Variants in DENND2B observed in about 807,000 individuals in gnomAD.
DENND2B encodes the protein DENN domain-containing protein 2B.
Under a neutral mutation model 116.0 loss-of-function variants are expected in DENND2B, and 32 were observed. That is an observed-to-expected ratio of 0.28 (90% CI 0.21 to 0.37). The LOEUF (loss-of-function observed/expected upper bound fraction) is 0.37, where lower values mean the gene tolerates loss of function less well. DENND2B is among the 10% of genes least tolerant of loss of function. The probability of loss-of-function intolerance (pLI) is 1.00; values close to 1 mark genes in which losing one functional copy is unlikely to be tolerated. For missense variants in DENND2B, 1,276 were observed against 1,477.7 expected, an observed-to-expected ratio of 0.86 and a Z score of 2.24; for synonymous variants, 588 against 583.9, an observed-to-expected ratio of 1.01 and a Z score of -0.10.
At chr11:8,729,302 C>T (rs913922843) in intron 3 of DENND2B, among the ~76,000 whole-genome samples, 1 of 152,208 alleles carries the variant, frequency 6.6e-6, no homozygotes, top group African/African-American at 2.4e-5. Context: ...ACCGGGGAGA[C>T]AGCCCTTGGT....
At chr11:8,728,573 A>G (rs1224010041) in intron 3 of DENND2B, among the ~76,000 whole-genome samples, 2 of 115,784 alleles carry the variant, frequency 1.7e-5, no homozygotes, top group Non-Finnish European at 1.8e-5. Context: ...TATGTGTAAA[A>G]CCTTCAGGCT....
At chr11:8,875,528 C>G (rs1220376498), upstream of DENND2B, among the ~76,000 whole-genome samples, 4 of 151,450 alleles carry the variant, frequency 2.6e-5, no homozygotes, top group East Asian at 7.9e-4. Flanking sequence ...ACCTTAGCCT[C>G]CCCAGTGGCT....
chr11:8,801,175 G>A (rs557186791), intron 1 of DENND2B, among the ~76,000 whole-genome samples: 14 of 151,982 alleles, frequency 9.2e-5, no homozygotes, highest in African/African-American at 2.9e-4. Context: ...AGAGGGGCCC[G>A]CTCAGCCTAG....
chr11:8,761,876 A>G (rs1364571688), intron 1 of DENND2B, among the ~76,000 whole-genome samples: 2 of 152,210 alleles, frequency 1.3e-5, no homozygotes, highest in African/African-American at 4.8e-5. Flanking sequence ...CTCCACCTCT[A>G]TAATGAGAAC....
At chr11:8,864,609 C>G (rs2063516148) in intron 2 of DENND2B, among the ~76,000 whole-genome samples, 1 of 152,160 alleles carries the variant, frequency 6.6e-6, no homozygotes, top group South Asian at 2.1e-4. Flanking sequence ...ATTGATTCAT[C>G]AAACCCCTAA....
rs751277719 is a variant in DENND2B, at chr11:8,729,969, G to A, written c.1321C>T (p.His441Tyr). 1 of 1,614,120 alleles carries A rather than the reference G, an allele frequency of 6.2e-7. No homozygotes were observed. The highest frequency in any genetic ancestry group is 8.5e-7 in the Non-Finnish European group (1 of 1,179,998). ...CATTACCTGCTCTGGGACTTGCGGT[G>A]ACCACGCATGTCCTTCTTGGGTCTC... ...TRRPKKDMRG[H>Y]RKSQSRKSFE... is the part of the protein sequence containing the mutation. The change falls in exon 3 of 20, where the codon CAC becomes TAC. Residue 441 changes from histidine to tyrosine, a missense_variant. This residue lies in a region of DENND2B where 856 missense variants were observed against 846.6 expected (regional missense o/e 1.01). Coordinates refer to ENST00000313726, the MANE Select transcript of DENND2B (RefSeq NM_213618.2).
At chr11:8,844,169 G>A (rs116992522) in intron 3 of DENND2B, among the ~76,000 whole-genome samples, 3,060 of 152,246 alleles carry the variant, frequency 0.02, 37 homozygotes, top group Middle Eastern at 0.034. Context: ...GGAGGCTGAG[G>A]TGGGAGAATG....
chr11:8,815,408 C>T (rs1048648373), upstream of DENND2B, among the ~76,000 whole-genome samples: 3 of 152,120 alleles, frequency 2.0e-5, no homozygotes, highest in Admixed American at 6.5e-5. Context: ...CCTACGCTCC[C>T]ACCCAAATCT....
At chr11:8,788,673 T>G (rs1175655779) in intron 1 of DENND2B, among the ~76,000 whole-genome samples, 1 of 152,202 alleles carries the variant, frequency 6.6e-6, no homozygotes, top group African/African-American at 2.4e-5. Context: ...CTCAAAACTC[T>G]TAGCTCACAA....
chr11:8,707,688 G>T lies in DENND2B; in HGVS notation c.2430+89C>A. The T allele has an allele frequency of 1.6e-6, 2 of 1,281,526 alleles. No homozygotes were observed. The highest frequency in any genetic ancestry group is 2.2e-6 in the Non-Finnish European group (2 of 913,718). The allele number at this position is 1,281,526 out of a possible 1,614,324, so 79.4% of individuals were successfully genotyped here. Reference sequence around the variant, plus strand: ...TGTCTCCCGCTCGCTCACAGTCACAGGTGGTTTTCTCATCTAAGCTGGCTG... The same window carrying T: ...TGTCTCCCGCTCGCTCACAGTCACATGTGGTTTTCTCATCTAAGCTGGCTG... On this transcript the variant is annotated intron_variant, in intron 12 of 19. Transcript: ENST00000313726. The surrounding 1 kb of genome is among the most constrained non-coding windows in gnomAD (Gnocchi z 4.8).
chr11:8,693,796 C>G lies in DENND2B; in HGVS notation c.*300G>C, dbSNP rs759485757. The G allele has an allele frequency of 2.4e-5, 8 of 334,708 alleles. No homozygotes were observed. Among genetic ancestry groups the G allele is most frequent in the Admixed American group, 9.3e-5 (2 of 21,508 alleles). 20.7% of individuals were successfully genotyped at this position (334,708 alleles called of 1,614,324 possible). A position where few individuals can be genotyped will look rare whatever the true frequency, so the allele number is the denominator to read the frequency against. On this transcript the variant is annotated 3_prime_UTR_variant, in exon 20 of 20. Coordinates refer to ENST00000313726, the MANE Select transcript of DENND2B (RefSeq NM_213618.2). ...AGTCAGCTGCACAAAACTGGCCAGT[C>G]ACGAGCACCCAGCGAAACTTCATCC...
chr11:8,798,177 G>C (rs922486291), intron 1 of DENND2B, among the ~76,000 whole-genome samples: 4 of 152,070 alleles, frequency 2.6e-5, no homozygotes, highest in Non-Finnish European at 5.9e-5. Flanking sequence ...CTCACTACAC[G>C]TCAAGCTCCA....
intron 6 of DENND2B, among the ~76,000 whole-genome samples, chr11:8,715,166 A>G (rs146085899): frequency 1.4e-3 from 207 of 152,288 alleles, no homozygotes; most frequent in African/African-American, 3.7e-3. Flanking sequence ...TAAAAATACC[A>G]TCTGGCTAAA....
chr11:8,786,546 C>A lies in DENND2B; in HGVS notation c.-26+23971G>T, dbSNP rs373042417. Among the ~76,000 whole-genome samples the A allele has an allele frequency of 1.9e-4, 29 of 152,310 alleles. No homozygotes were observed. In the South Asian group the frequency reaches 6.0e-3, roughly 32 times the overall value. On this transcript the variant is annotated intron_variant, in intron 1 of 19. Coordinates refer to ENST00000313726, the MANE Select transcript of DENND2B (RefSeq NM_213618.2). ...ATTAGGAAGGCCAGGCATGGTGGCT[C>A]ATGCCTGTAATCCCAGCACTTTGGG...
intron 1 of DENND2B, among the ~76,000 whole-genome samples, chr11:8,897,697 C>T (rs1001504159): frequency 2.0e-5 from 3 of 152,146 alleles, no homozygotes; most frequent in Admixed American, 1.3e-4. Flanking sequence ...CCAGGAGAGA[C>T]CACAGTGGGC....
At chr11:8,886,973 C>T (rs1172473889) in intron 1 of DENND2B, among the ~76,000 whole-genome samples, 1 of 152,116 alleles carries the variant, frequency 6.6e-6, no homozygotes, top group African/African-American at 2.4e-5. Flanking sequence ...GGACTACAGG[C>T]ATGTGCCACC....
upstream of DENND2B, among the ~76,000 whole-genome samples, chr11:8,874,990 T>C (rs1419611782): frequency 6.6e-6 from 1 of 152,018 alleles, no homozygotes; most frequent in Non-Finnish European, 1.5e-5. Context: ...CAGTTTTCTC[T>C]AAAGCAGACA....
intron 4 of DENND2B, 33 bp downstream of exon 4, chr11:8,726,040 G>A: frequency 6.2e-7 from 1 of 1,613,302 alleles, no homozygotes; most frequent in Non-Finnish European, 8.5e-7. Context: ...AGCCCCCTGA[G>A]ATGACCCAGG....
rs140095881 is a variant in DENND2B at position 8,717,672 on chromosome 11, T to C, written c.1629+69A>G. On this transcript the variant is annotated intron_variant, in intron 5 of 19. Coordinates refer to ENST00000313726, the MANE Select transcript of DENND2B (RefSeq NM_213618.2). ...AGCCTGAGTGGAAGCTGGGCCCAAGTCTTGGAAGAGCAGGCCCCCACTGTG... is the reference window on the plus strand; with the variant it reads ...AGCCTGAGTGGAAGCTGGGCCCAAGCCTTGGAAGAGCAGGCCCCCACTGTG... The C allele has an allele frequency of 7.5e-4, 1,105 of 1,467,194 alleles. 9 individuals carry two copies. The African/African-American group carries it at 0.013, about 18-fold the overall frequency. 90.9% of individuals were successfully genotyped at this position (1,467,194 alleles called of 1,614,324 possible).
Sources: allele counts gnomAD v4.1 joint callset (sites outside exome capture counted in the v4.1 genomes callset), GRCh38; gene constraint gnomAD v4.1.1; regional missense constraint gnomAD v4.1.1; non-coding constraint Gnocchi (gnomAD v3.1); transcripts MANE v1.5; gene names NCBI Gene and HGNC (gene_info 2026-07-23, HGNC 2026-07-21).